EML6: variants seen among roughly 807,000 people sequenced by gnomAD.
EML6 encodes the protein EMAP like 6, also known as echinoderm microtubule-associated protein-like 6.
A neutral mutation model predicts 240.1 loss-of-function variants in EML6; 154 were observed. The ratio of observed to expected loss-of-function variants is 0.64; its 90% CI spans 0.56 to 0.73. The LOEUF is 0.73. Ranked by LOEUF, EML6 falls within the 30% of genes least tolerant of loss-of-function variation. The probability of loss-of-function intolerance (pLI) is 0.00; values close to 1 mark genes in which losing one functional copy is unlikely to be tolerated. For missense variants in EML6, 2,964 were observed against 2,474.6 expected, an observed-to-expected ratio of 1.20 and a Z score of -4.20; for synonymous variants, 1,148 against 899.0, an observed-to-expected ratio of 1.28 and a Z score of -4.95.
chr2:54,863,622 C>T (rs980800891), intron 12 of EML6, among the ~76,000 whole-genome samples, 161 bp from the exon 13 acceptor site: 21 of 151,992 alleles, frequency 1.4e-4, no homozygotes, highest in Admixed American at 3.3e-4. Flanking sequence ...TGAACTAAAC[C>T]AAAAGGTGAA....
intron 16 of EML6, among the ~76,000 whole-genome samples, chr2:54,876,774 G>A (rs1433641044): frequency 6.6e-6 from 1 of 152,136 alleles, no homozygotes; most frequent in Non-Finnish European, 1.5e-5. Flanking sequence ...TATATATTGT[G>A]TAAGGATCAA....
At chr2:54,902,208 A>T (rs1021249992) in intron 22 of EML6, among the ~76,000 whole-genome samples, 6 of 152,204 alleles carry the variant, frequency 3.9e-5, no homozygotes, top group Admixed American at 2.0e-4. Flanking sequence ...CCTATTCTTA[A>T]ATATTACCTC....
intron 2 of EML6, among the ~76,000 whole-genome samples, chr2:54,748,812 C>T (rs1009560860): frequency 6.6e-6 from 1 of 152,142 alleles, no homozygotes; most frequent in Non-Finnish European, 1.5e-5. Flanking sequence ...ATCCTCCCAC[C>T]TTGGCCTTTT....
intron 1 of EML6, among the ~76,000 whole-genome samples, 159 bp downstream of exon 1, chr2:54,723,936 TG>T (rs1164725091): frequency 1.3e-5 from 2 of 151,850 alleles, no homozygotes; most frequent in African/African-American, 4.8e-5. Flanking sequence ...TGTGCGTCTG[TG>T]GGGGGTTGCT....
At chr2:54,930,500 G>A (rs1029547728) in intron 28 of EML6, among the ~76,000 whole-genome samples, 5 of 151,310 alleles carry the variant, frequency 3.3e-5, no homozygotes, top group Non-Finnish European at 7.4e-5. Flanking sequence ...CTGTATAGTC[G>A]CATACACTGG....
intron 4 of EML6, among the ~76,000 whole-genome samples, chr2:54,819,416 A>G (rs1668223244): frequency 6.6e-6 from 1 of 152,148 alleles, no homozygotes; most frequent in Admixed American, 6.5e-5. Context: ...CTCAGGATTG[A>G]CCTTTTCCTT....
intron 3 of EML6, among the ~76,000 whole-genome samples, chr2:54,816,470 C>A (rs957797523): frequency 6.6e-6 from 1 of 152,128 alleles, no homozygotes; most frequent in African/African-American, 2.4e-5. Flanking sequence ...GTTAAAAATT[C>A]CAAATGCTGC....
intron 30 of EML6, among the ~76,000 whole-genome samples, chr2:54,952,204 C>G (rs1432902923): frequency 1.3e-5 from 2 of 152,148 alleles, no homozygotes; most frequent in African/African-American, 2.4e-5. Context: ...GGCCTCCACC[C>G]CTACTTCTGC....
intron 2 of EML6, among the ~76,000 whole-genome samples, chr2:54,797,625 TA>T (rs34160986): frequency 0.58 from 86,333 of 148,670 alleles, 24,861 homozygotes; most frequent in Middle Eastern, 0.67. Flanking sequence ...TTCTTTATTG[TA>T]AAAAAAAAAA....
intron 2 of EML6, among the ~76,000 whole-genome samples, chr2:54,787,678 A>G (rs1035502456): frequency 6.6e-6 from 1 of 152,228 alleles, no homozygotes; most frequent in African/African-American, 2.4e-5. Flanking sequence ...CATTTTGCTC[A>G]TGGGGAACTT....
chr2:54,964,552 C>T lies in EML6; in HGVS notation c.5331-19C>T. The T allele has an allele frequency of 6.4e-7, 1 of 1,551,816 alleles. No individual in the cohort carries two copies. The highest frequency in any genetic ancestry group is 8.7e-7 in the Non-Finnish European group (1 of 1,146,782). On this transcript the variant is annotated intron_variant, in intron 37 of 41. Coordinates refer to ENST00000356458, the MANE Select transcript of EML6 (RefSeq NM_001039753.4). Reference sequence around the variant, plus strand: ...AACAGCCCTCCTCATGGACTCTGCTCTCGGATTGCTTTTTCTAGAATCAGC... The same window carrying T: ...AACAGCCCTCCTCATGGACTCTGCTTTCGGATTGCTTTTTCTAGAATCAGC...
At chr2:54,850,296 A>C in intron 10 of EML6, 78 bp downstream of exon 10, 3 of 1,314,454 alleles carry the variant, frequency 2.3e-6, no homozygotes, top group Non-Finnish European at 3.1e-6. Context: ...GACAAGTGTC[A>C]TGGCTCTTTT....
intron 41 of EML6, among the ~76,000 whole-genome samples, chr2:54,969,587 A>C (rs530598631): frequency 6.6e-6 from 1 of 152,356 alleles, no homozygotes; most frequent in South Asian, 2.1e-4. Context: ...GCTAGGAGTA[A>C]AAGACGTAAA....
At position 54,749,933 on chromosome 2, in the gene EML6, C is replaced by T. The variant is rs553976864; in HGVS notation, c.197+24675C>T. 2.1e-3 allele frequency among the ~76,000 whole-genome samples: 316 copies of T among 152,298 alleles called. 2 individuals carry two copies. The highest frequency in any genetic ancestry group is 1.5e-3 in the Non-Finnish European group (100 of 68,028). ...CCCATCACGGTATGTCCATTTGAGG[C>T]TTTCAGAGAGGTCCCTACTGAAAAA... On this transcript the variant is annotated intron_variant, in intron 2 of 41. Transcript: ENST00000356458.
intron 32 of EML6, among the ~76,000 whole-genome samples, chr2:54,955,593 G>A (rs774113591): frequency 2.0e-5 from 3 of 152,204 alleles, no homozygotes; most frequent in East Asian, 1.9e-4. Flanking sequence ...CCCACTGCAC[G>A]GCCTTGTCTT....
At chr2:54,920,192 AAAAT>A in intron 26 of EML6, among the ~76,000 whole-genome samples, 1 of 152,270 alleles carries the variant, frequency 6.6e-6, no homozygotes, top group Middle Eastern at 3.4e-3. Context: ...AGAAATAAAT[AAAAT>A]AGAGACTATA....
intron 2 of EML6, among the ~76,000 whole-genome samples, chr2:54,730,620 C>G (rs1683112263): frequency 6.6e-6 from 1 of 152,324 alleles, no homozygotes; most frequent in East Asian, 1.9e-4. Context: ...TGGTACCATC[C>G]TACTGCTCAT....
chr2:54,966,992 A>G lies in EML6; in HGVS notation c.5494-8A>G, dbSNP rs560383000. 44 of 1,538,110 alleles carry G rather than the reference A, an allele frequency of 2.9e-5. 1 individual carries two copies. In the Middle Eastern group the frequency reaches 6.8e-4, roughly 24 times the overall value. On this transcript the variant is annotated splice_polypyrimidine_tract_variant and splice_region_variant and intron_variant, in intron 38 of 41. Coordinates refer to ENST00000356458, the MANE Select transcript of EML6 (RefSeq NM_001039753.4). ...CGTTGATGAACATGGCTTCCCTTCTACCTACAGGTGTCAACAGGTGCCTAT... is the reference window on the plus strand; with the variant it reads ...CGTTGATGAACATGGCTTCCCTTCTGCCTACAGGTGTCAACAGGTGCCTAT...
intron 2 of EML6, among the ~76,000 whole-genome samples, chr2:54,775,261 G>A (rs564448298): frequency 6.6e-6 from 1 of 152,184 alleles, no homozygotes; most frequent in Non-Finnish European, 1.5e-5. Context: ...GCCATTCCTC[G>A]CTAGGCCCTG....
Sources: gnomAD v4.1 joint callset for allele counts (sites outside exome capture counted in the v4.1 genomes callset) on GRCh38, gnomAD v4.1.1 for gene constraint, MANE v1.5 for transcripts, NCBI Gene and HGNC (gene_info 2026-07-23, HGNC 2026-07-21) for gene names.